The following ADD1 variants were observed in gnomAD, a reference collection of about 807,000 sequenced individuals.
ADD1 encodes the protein adducin 1.
ADD1 carries 24 observed loss-of-function variants against 80.5 expected under a neutral mutation model. That is an observed-to-expected ratio of 0.30 (90% confidence interval 0.22 to 0.42). The LOEUF (loss-of-function observed/expected upper bound fraction) is 0.42, where lower values mean the gene tolerates loss of function less well. Ranked by LOEUF, ADD1 falls within the 10% of genes least tolerant of loss-of-function variation. ADD1 has a pLI of 1.00. For synonymous variants in ADD1, 373 were observed against 393.8 expected (o/e 0.95, Z 0.63); for missense variants, 948 against 1,019.0 (o/e 0.93, Z 0.95).
intron 1 of ADD1, among the ~76,000 whole-genome samples, chr4:2,864,779 A>G (rs1445912782): frequency 1.3e-5 from 2 of 152,078 alleles, no homozygotes; most frequent in African/African-American, 4.8e-5. Flanking sequence ...TATTGCTCTC[A>G]GTGATGCTTA....
chr4:2,865,753 A>C (rs1729451918), intron 1 of ADD1, among the ~76,000 whole-genome samples: 1 of 152,216 alleles, frequency 6.6e-6, no homozygotes, highest in African/African-American at 2.4e-5. Flanking sequence ...AGTGAAATTC[A>C]GAAAAAAAAT....
At chr4:2,847,965 A>G (rs942813514) in intron 1 of ADD1, among the ~76,000 whole-genome samples, 1 of 152,132 alleles carries the variant, frequency 6.6e-6, no homozygotes, top group African/African-American at 2.4e-5. Context: ...CTGTAATCCC[A>G]GCACTTTGGG....
chr4:2,874,807 C>T (rs563931964), intron 1 of ADD1, among the ~76,000 whole-genome samples: 5 of 152,226 alleles, frequency 3.3e-5, no homozygotes, highest in South Asian at 2.1e-4. Context: ...ATCCAAAGTG[C>T]GGTTCAAGTT....
At position 2,875,912 on chromosome 4, in the gene ADD1, T is replaced by C. The variant is rs1274768707; in HGVS notation, c.-4T>C. ...ATTCTGTAGGAACCTAGAAAGATTG[T>C]ACAATGAATGGTGATTCTCGTGCTG... On this transcript the variant is annotated 5_prime_UTR_variant, in exon 2 of 16. Coordinates refer to ENST00000683351, the MANE Select transcript of ADD1 (RefSeq NM_001354761.2). 1 of 1,584,374 alleles carries C rather than the reference T, an allele frequency of 6.3e-7. No homozygotes were observed. The highest frequency in any genetic ancestry group is 8.6e-7 in the Non-Finnish European group (1 of 1,168,482).
At chr4:2,881,068 T>C (rs2108924963) in intron 2 of ADD1, among the ~76,000 whole-genome samples, 1 of 131,248 alleles carries the variant, frequency 7.6e-6, no homozygotes, top group African/African-American at 2.9e-5. Context: ...TTTTGATGTA[T>C]TTACTTTTTT....
chr4:2,925,661 A>AGCAGGGAGAAG (rs995275705), intron 14 of ADD1, among the ~76,000 whole-genome samples: 9 of 152,218 alleles, frequency 5.9e-5, no homozygotes, highest in African/African-American at 1.7e-4. Context: ...CCACCTGCTC[A>AGCAGGGAGAAG]GCAGGGAGAA....
At position 2,898,234 on chromosome 4, in the gene ADD1, C is replaced by G; in HGVS notation, c.792C>G (p.Ser264=). The G allele has an allele frequency of 6.2e-7, 1 of 1,614,094 alleles. No individual in the cohort carries two copies. Among genetic ancestry groups the G allele is most frequent in the African/African-American group, 1.3e-5 (1 of 75,016 alleles). ...TGCCAATCTCCCCGGAGGCGCTTTC[C>G]CTTGGAGAAGTGGCTTATCATGACT... ...GLLPISPEAL[S]LGEVAYHDYH... Residue 264 remains serine (S), a synonymous_variant, in exon 7 of 16, where the codon TCC becomes TCG. Transcript: ENST00000683351.
At chr4:2,882,150 C>G in intron 3 of ADD1, 90 bp downstream of exon 3, 1 of 1,229,574 alleles carries the variant, frequency 8.1e-7, no homozygotes, top group Non-Finnish European at 1.1e-6. Flanking sequence ...GGGCATTTAA[C>G]TGTATAACAT....
chr4:2,914,031 C>A (rs1490999502), intron 13 of ADD1, among the ~76,000 whole-genome samples: 1 of 146,870 alleles, frequency 6.8e-6, no homozygotes, highest in Non-Finnish European at 1.5e-5. Flanking sequence ...TACACTCCAG[C>A]CTGGGTGACA....
intron 1 of ADD1, among the ~76,000 whole-genome samples, chr4:2,867,223 C>T (rs1729683317): frequency 6.6e-6 from 1 of 152,158 alleles, no homozygotes; most frequent in South Asian, 2.1e-4. Flanking sequence ...AATTCGTGGT[C>T]ACTTTTCTGG....
At chr4:2,859,116 A>G (rs992607074) in intron 1 of ADD1, among the ~76,000 whole-genome samples, 24 of 152,236 alleles carry the variant, frequency 1.6e-4, no homozygotes, top group Admixed American at 3.9e-4. Context: ...CCATTCATCA[A>G]AATAAATCCC....
At position 2,928,453 on chromosome 4, in the gene ADD1, C is replaced by T. The variant is rs768137427; in HGVS notation, c.2330C>T (p.Pro777Leu). 3.7e-6 allele frequency: 6 copies of T among 1,613,460 alleles called. No individual in the cohort carries two copies. The South Asian group carries it at 4.4e-5, about 12-fold the overall frequency. The change falls in exon 16 of 16, where the codon CCG (proline) becomes CTG (leucine). Residue 777 changes from proline to leucine, a missense_variant. Physicochemically the swap from Pro to Leu is moderately conservative, Grantham distance 98. Transcript: ENST00000683351. ...PGSDGSPGKS[P>L]SKKKKKFRTP... ...AGCGATGGGTCTCCAGGCAAGTCCCCGTCCAAAAAGAAGAAGAAGTTCCGT... is the reference window on the plus strand; with the variant it reads ...AGCGATGGGTCTCCAGGCAAGTCCCTGTCCAAAAAGAAGAAGAAGTTCCGT...
At chr4:2,878,719 G>T (rs1247945060) in intron 2 of ADD1, among the ~76,000 whole-genome samples, 2 of 152,128 alleles carry the variant, frequency 1.3e-5, no homozygotes, top group Non-Finnish European at 2.9e-5. Flanking sequence ...GAGTTTAGGA[G>T]TTTGAGGCTG....
Position 2,883,215 on chromosome 4 carries a change from A to G in ADD1, c.358+1155A>G, listed in dbSNP as rs183300311. ...GTTCTGTCAGGAGAAACTTCCCTTC[A>G]GTTCTTTTGGTTACCTGGTGATACA... On this transcript the variant is annotated intron_variant, in intron 3 of 15. Coordinates refer to ENST00000683351, the MANE Select transcript of ADD1 (RefSeq NM_001354761.2). 8.5e-5 allele frequency among the ~76,000 whole-genome samples: 13 copies of G among 152,128 alleles called. No homozygotes were observed. The East Asian group carries it at 2.5e-3, about 29-fold the overall frequency.
intron 14 of ADD1, among the ~76,000 whole-genome samples, chr4:2,917,925 G>A (rs12643323): frequency 0.23 from 34,825 of 151,900 alleles, 4,436 homozygotes; most frequent in Non-Finnish European, 0.28. Flanking sequence ...GGTTACTGTA[G>A]CCTTGTAGTA....
chr4:2,852,230 CCTTTCTTTCTTTCTTTCT>C (rs1727322920), intron 1 of ADD1, among the ~76,000 whole-genome samples: 1 of 120,262 alleles, frequency 8.3e-6, no homozygotes, highest in Non-Finnish European at 1.8e-5. Flanking sequence ...TCCTTTCTTT[CCTTTCTTTCTTTCTTTCT>C]CTTTCTTTCT....
At chr4:2,887,104 G>A (rs1291672741) in intron 4 of ADD1, among the ~76,000 whole-genome samples, 2 of 152,216 alleles carry the variant, frequency 1.3e-5, no homozygotes, top group South Asian at 2.1e-4. Flanking sequence ...TTATCTCCTT[G>A]GGGCTTAATA....
At chr4:2,855,990 T>C (rs532703274) in intron 1 of ADD1, among the ~76,000 whole-genome samples, 1 of 142,026 alleles carries the variant, frequency 7.0e-6, no homozygotes, top group Non-Finnish European at 1.6e-5. Context: ...TGCACCACCA[T>C]TGGGCATGGT....
At chr4:2,886,432 T>C (rs1733381238) in intron 4 of ADD1, among the ~76,000 whole-genome samples, 1 of 152,256 alleles carries the variant, frequency 6.6e-6, no homozygotes, top group South Asian at 2.1e-4. Context: ...AAATGAACTT[T>C]TCAAAATGTA....
Sources: allele counts gnomAD v4.1 joint callset (sites outside exome capture counted in the v4.1 genomes callset), GRCh38; gene constraint gnomAD v4.1.1; transcripts MANE v1.5; gene names NCBI Gene and HGNC (gene_info 2026-07-23, HGNC 2026-07-21).